Variants in TNRC6B observed in about 807,000 individuals in gnomAD.
The protein encoded by TNRC6B is trinucleotide repeat containing adaptor 6B.
In TNRC6B, 52 loss-of-function variants were observed where a neutral mutation model predicts 203.6. That is an observed-to-expected ratio of 0.26 (90% confidence interval 0.20 to 0.32). The LOEUF (loss-of-function observed/expected upper bound fraction) is 0.32, where lower values mean the gene tolerates loss of function less well. Among genes scored for constraint, TNRC6B ranks in the 10% least tolerant of loss-of-function variants. TNRC6B has a pLI of 1.00. For synonymous variants in TNRC6B, 838 were observed against 845.7 expected, an observed-to-expected ratio of 0.99 and a Z score of 0.16; for missense variants, 1,923 against 2,286.2, an observed-to-expected ratio of 0.84 and a Z score of 3.24.
intron 3 of TNRC6B, among the ~76,000 whole-genome samples, chr22:40,140,051 T>C (rs1330814918): frequency 6.6e-6 from 1 of 152,234 alleles, no homozygotes; most frequent in African/African-American, 2.4e-5. Flanking sequence ...TACATTTCCA[T>C]GTGGTTATCC....
Position 40,306,639 on chromosome 22 carries a change from G to C in TNRC6B, c.4121-1873G>C, listed in dbSNP as rs1326348513. The stretch of plus-strand genomic sequence containing the variant: ...TGCCCTGCAATCTAATTTCATTTCT[G>C]CTACCCAGGATGAAAGAAATTTAAA... On this transcript the variant is annotated intron_variant, in intron 15 of 22. Coordinates refer to ENST00000454349, the MANE Select transcript of TNRC6B (RefSeq NM_001162501.2). Among the ~76,000 whole-genome samples the C allele has an allele frequency of 2.0e-5, 3 of 152,024 alleles. No homozygotes were observed. The East Asian group carries it at 5.8e-4, about 29-fold the overall frequency.
intron 3 of TNRC6B, 149 bp from the exon 4 acceptor site, chr22:40,261,683 G>A: frequency 1.8e-6 from 1 of 569,054 alleles, no homozygotes; most frequent in Non-Finnish European, 2.7e-6. Context: ...AGCCAAGGTG[G>A]GAGAGTCCCT....
intron 1 of TNRC6B, among the ~76,000 whole-genome samples, chr22:40,222,146 A>C (rs568366816): frequency 1.3e-5 from 2 of 152,036 alleles, no homozygotes; most frequent in Non-Finnish European, 2.9e-5. Context: ...CCTAAAAGTA[A>C]AAATAGGGAG....
chr22:40,163,884 G>A (rs6001815), intron 4 of TNRC6B, among the ~76,000 whole-genome samples: 65 of 152,116 alleles, frequency 4.3e-4, no homozygotes, highest in Non-Finnish European at 9.0e-4. Flanking sequence ...GCTCAAGGCA[G>A]AAAAGATCAG....
intron 1 of TNRC6B, among the ~76,000 whole-genome samples, chr22:40,213,896 A>C (rs1400642226): frequency 6.6e-6 from 1 of 152,208 alleles, no homozygotes; most frequent in Non-Finnish European, 1.5e-5. Context: ...AAATAATGAG[A>C]GAATAATATG....
At chr22:40,091,090 T>C (rs1171439272) in intron 1 of TNRC6B, among the ~76,000 whole-genome samples, 1 of 152,090 alleles carries the variant, frequency 6.6e-6, no homozygotes, top group Non-Finnish European at 1.5e-5. Context: ...CACGCCATTC[T>C]CCTGCCTCAG....
intron 3 of TNRC6B, among the ~76,000 whole-genome samples, chr22:40,133,009 C>T (rs2068566542): frequency 7.4e-6 from 1 of 134,834 alleles, no homozygotes; most frequent in Non-Finnish European, 1.6e-5. Flanking sequence ...AATCCGGAGG[C>T]ACAGATATGT....
At chr22:40,071,582 A>G (rs1037947144) in intron 1 of TNRC6B, among the ~76,000 whole-genome samples, 1 of 152,236 alleles carries the variant, frequency 6.6e-6, no homozygotes, top group Admixed American at 6.5e-5. Context: ...AGTATAAAGG[A>G]AAAGCAGAAG....
At chr22:40,080,670 A>G (rs1165274958) in intron 1 of TNRC6B, among the ~76,000 whole-genome samples, 3 of 152,056 alleles carry the variant, frequency 2.0e-5, no homozygotes, top group Admixed American at 2.0e-4. Context: ...GCTTTGTGCA[A>G]GTCACTCCCT....
chr22:40,208,111 C>CAAAA (rs905832467), intron 1 of TNRC6B, among the ~76,000 whole-genome samples: 21 of 74,852 alleles, frequency 2.8e-4, no homozygotes, highest in Non-Finnish European at 6.1e-4. Context: ...GACTCCATCT[C>CAAAA]AAAAAAAAAA....
rs539604909 is a variant in TNRC6B, at chr22:40,088,475, A to G, written c.-120-28580A>G. On this transcript the variant is annotated intron_variant, in intron 1 of 23. Transcript: ENST00000301923. ...TGCCCAGGCTGGAGTGCAGTGGTGC[A>G]GTCTCAGCTTACTGCAACCTCCGCC... Among the ~76,000 whole-genome samples the G allele has an allele frequency of 1.1e-4, 17 of 152,052 alleles. No homozygotes were observed. In the East Asian group the frequency reaches 2.9e-3, roughly 26 times the overall value.
In TNRC6B at chr22:40,201,071, G is replaced by T. The variant is rs372847902; in HGVS notation, c.5+22931G>T. On this transcript the variant is annotated intron_variant, in intron 1 of 22. Transcript: ENST00000454349. ...GATACACGTAGGGTGCTATACTTGTGGGTGGCACATGGCAAGCACCTGGTA... is the reference window on the plus strand; with the variant it reads ...GATACACGTAGGGTGCTATACTTGTTGGTGGCACATGGCAAGCACCTGGTA... Among the ~76,000 whole-genome samples, 9 of 152,314 alleles carry T rather than the reference G, an allele frequency of 5.9e-5. No individual in the cohort carries two copies. In the South Asian group the frequency reaches 1.4e-3, roughly 25 times the overall value.
chr22:40,261,962 C>T lies in TNRC6B; in HGVS notation c.246C>T (p.Ser82=), dbSNP rs544836581. 27 of 1,612,672 alleles carry T rather than the reference C, an allele frequency of 1.7e-5. No homozygotes were observed. The East Asian group carries it at 4.5e-4, about 27-fold the overall frequency. The part of the protein sequence containing the change: ...RVAVPNGQPP[S]AARYMPREVP... ...CAGTGCCGAACGGACAACCGCCAAG[C>T]GCCGCCCGCTACATGCCTCGGGAGG... The change falls in exon 4 of 23, where the codon AGC becomes AGT. Residue 82 remains serine (S), a synonymous_variant. Coordinates refer to ENST00000454349, the MANE Select transcript of TNRC6B (RefSeq NM_001162501.2).
intron 1 of TNRC6B, among the ~76,000 whole-genome samples, chr22:40,183,509 C>G (rs1257088758): frequency 2.4e-4 from 36 of 152,108 alleles, no homozygotes. Flanking sequence ...GTTGTATCCA[C>G]GTTTACTTGG....
At position 40,329,521 on chromosome 22, in the gene TNRC6B, T is replaced by C. The variant is rs967465888; in HGVS notation, c.*6280T>C. The C allele has an allele frequency of 1.3e-5, 2 of 152,046 alleles. No individual in the cohort carries two copies. The highest frequency in any genetic ancestry group is 2.9e-5 in the Non-Finnish European group (2 of 68,014). The allele number at this position is 152,046 out of a possible 1,614,324, so 9.4% of individuals were successfully genotyped here. On this transcript the variant is annotated 3_prime_UTR_variant, in exon 23 of 23. Transcript: ENST00000454349. ...TATCAGCTCCAAGAATCTGTGAACA[T>C]AGTAATAACAATAAAAATTCAACAT...
intron 5 of TNRC6B, among the ~76,000 whole-genome samples, 160 bp from the exon 6 acceptor site, chr22:40,269,962 A>T (rs1191971284): frequency 6.6e-6 from 1 of 151,796 alleles, no homozygotes; most frequent in Non-Finnish European, 1.5e-5. Context: ...CGGATTTTTT[A>T]AAAAGTAGCA....
intron 3 of TNRC6B, among the ~76,000 whole-genome samples, chr22:40,149,072 A>G (rs2068721707): frequency 6.6e-6 from 1 of 152,230 alleles, no homozygotes; most frequent in Non-Finnish European, 1.5e-5. Context: ...AAAAGAATAC[A>G]TATGTGAGTG....
At chr22:40,271,765 T>C (rs570992307) in intron 6 of TNRC6B, among the ~76,000 whole-genome samples, 1 of 152,234 alleles carries the variant, frequency 6.6e-6, no homozygotes, top group Non-Finnish European at 1.5e-5. Flanking sequence ...AAATGTCTTC[T>C]ACTCTTCAGG....
At chr22:40,309,590 A>G (rs1245248932) in intron 16 of TNRC6B, among the ~76,000 whole-genome samples, 1 of 152,214 alleles carries the variant, frequency 6.6e-6, no homozygotes, top group Admixed American at 6.5e-5. Flanking sequence ...AAGCCCACTG[A>G]TATCTACAGC....
Sources: gnomAD v4.1 joint callset for allele counts (sites outside exome capture counted in the v4.1 genomes callset) on GRCh38, gnomAD v4.1.1 for gene constraint, MANE v1.5 for transcripts, NCBI Gene and HGNC (gene_info 2026-07-23, HGNC 2026-07-21) for gene names.